Variants in SLC24A2 observed in about 807,000 individuals in gnomAD.
SLC24A2 encodes the protein sodium/potassium/calcium exchanger 2.
SLC24A2 carries 36 observed loss-of-function variants against 62.0 expected under a neutral mutation model. The ratio of observed to expected loss-of-function variants is 0.58; its 90% confidence interval spans 0.44 to 0.77. The LOEUF is 0.77. Ranked by LOEUF, SLC24A2 falls within the 30% of genes least tolerant of loss-of-function variation. SLC24A2 has a pLI of 0.00. For missense variants in SLC24A2, 846 were observed against 817.9 expected, an observed-to-expected ratio of 1.03 and a Z score of -0.42; for synonymous variants, 358 against 294.0, an observed-to-expected ratio of 1.22 and a Z score of -2.23.
the SLC24A2 span, among the ~76,000 whole-genome samples, chr9:20,132,920 A>C: frequency 1.3e-5 from 2 of 152,092 alleles, no homozygotes; most frequent in African/African-American, 2.4e-5. Flanking sequence ...TTTAAAAATT[A>C]AATTAATTAA....
chr9:19,926,411 T>A, the SLC24A2 span: 1 of 152,242 alleles, frequency 6.6e-6, no homozygotes, highest in East Asian at 1.9e-4. Flanking sequence ...TGACCCTGGC[T>A]CTCCCGCGCC....
At chr9:20,233,589 C>G in the SLC24A2 span, among the ~76,000 whole-genome samples, 6 of 152,174 alleles carry the variant, frequency 3.9e-5, no homozygotes, top group Non-Finnish European at 8.8e-5. Context: ...GTGGATCTTC[C>G]TCCATCCCTG....
chr9:20,194,092 G>C, the SLC24A2 span, among the ~76,000 whole-genome samples: 1 of 151,462 alleles, frequency 6.6e-6, no homozygotes, highest in African/African-American at 2.4e-5. Context: ...TTTTTTTTTG[G>C]GAAAACAAAA....
rs1835895554 is a variant in SLC24A2, at chr9:19,573,342, A to C, written c.1347+9T>G. On this transcript the variant is annotated intron_variant, in intron 7 of 10. Transcript: ENST00000341998. Reference sequence around the variant, plus strand: ...AACAGCCCAGAAGAGCAATGGAGAAAAGCCATACCTGGGCTTCTGCACCTT... The same window carrying C: ...AACAGCCCAGAAGAGCAATGGAGAACAGCCATACCTGGGCTTCTGCACCTT... The C allele has an allele frequency of 6.4e-7, 1 of 1,570,038 alleles. No homozygotes were observed. The highest frequency in any genetic ancestry group is 8.8e-7 in the Non-Finnish European group (1 of 1,139,982).
chr9:20,026,686 A>G, the SLC24A2 span, among the ~76,000 whole-genome samples: 1 of 152,202 alleles, frequency 6.6e-6, no homozygotes, highest in Non-Finnish European at 1.5e-5. Flanking sequence ...AAAATGAATG[A>G]AAGACTTAAA....
At chr9:19,719,241 T>A (rs1416976440) in intron 2 of SLC24A2, among the ~76,000 whole-genome samples, 2 of 152,236 alleles carry the variant, frequency 1.3e-5, no homozygotes, top group Admixed American at 6.5e-5. Context: ...GAGCATCTCA[T>A]TATTCCTCTG....
At chr9:19,824,209 A>C in the SLC24A2 span, among the ~76,000 whole-genome samples, 68 of 152,350 alleles carry the variant, frequency 4.5e-4, no homozygotes, top group African/African-American at 1.5e-3. Context: ...TGCAGAGCAA[A>C]AGAAACTATC....
At chr9:19,680,747 A>G (rs1251028372) in intron 2 of SLC24A2, among the ~76,000 whole-genome samples, 1 of 152,072 alleles carries the variant, frequency 6.6e-6, no homozygotes, top group Non-Finnish European at 1.5e-5. Context: ...TGAAAACTCA[A>G]TTTCACAATG....
intron 6 of SLC24A2, among the ~76,000 whole-genome samples, chr9:19,573,831 A>C (rs1835928465): frequency 6.6e-6 from 1 of 152,128 alleles, no homozygotes; most frequent in African/African-American, 2.4e-5. Flanking sequence ...AAATTTACCA[A>C]CTAGCTACTC....
intron 9 of SLC24A2, among the ~76,000 whole-genome samples, chr9:19,525,391 C>CTTTTTTTTTTTTTTTTTTTTTTTTTTTT (rs572919824): frequency 1.3e-5 from 1 of 76,374 alleles, no homozygotes; most frequent in Non-Finnish European, 2.3e-5. Flanking sequence ...TATTTCTTTA[C>CTTTTTTTTTTTTTTTTTTTTTTTTTTTT]TTTTTTTTTT....
intron 8 of SLC24A2, among the ~76,000 whole-genome samples, chr9:19,532,411 T>A (rs1329040694): frequency 6.6e-6 from 1 of 152,194 alleles, no homozygotes; most frequent in African/African-American, 2.4e-5. Context: ...ATACTTTAAA[T>A]CAGCTCTAAA....
At chr9:19,920,426 A>C in the SLC24A2 span, among the ~76,000 whole-genome samples, 1 of 152,182 alleles carries the variant, frequency 6.6e-6, no homozygotes, top group Non-Finnish European at 1.5e-5. Context: ...AGTCCCCCAG[A>C]TGTAGACCCT....
chr9:19,720,698 C>CA (rs887791694), intron 2 of SLC24A2, among the ~76,000 whole-genome samples: 8 of 83,906 alleles, frequency 9.5e-5, no homozygotes, highest in East Asian at 6.2e-4. Context: ...AACCCCCCCC[C>CA]CCAAAAAAAA....
intron 2 of SLC24A2, among the ~76,000 whole-genome samples, chr9:19,734,874 G>C (rs1183896684): frequency 5.3e-5 from 8 of 152,048 alleles, no homozygotes; most frequent in Non-Finnish European, 8.8e-5. Flanking sequence ...ATGGATTAAA[G>C]ACTTAAATGT....
chr9:19,622,153 C>G, intron 3 of SLC24A2, 108 bp downstream of exon 3: 1 of 880,418 alleles, frequency 1.1e-6, no homozygotes, highest in East Asian at 2.5e-5. Context: ...TTAAGTATTC[C>G]AAGGGAGAGA....
chr9:20,072,961 G>C, the SLC24A2 span, among the ~76,000 whole-genome samples: 7 of 152,094 alleles, frequency 4.6e-5, no homozygotes. Flanking sequence ...ATTTGTTATA[G>C]AGGTTACGGG....
the SLC24A2 span, among the ~76,000 whole-genome samples, chr9:19,830,379 A>G: frequency 1.3e-5 from 2 of 152,224 alleles, no homozygotes; most frequent in African/African-American, 4.8e-5. Flanking sequence ...ATGAGGCATT[A>G]TGTCAGATTT....
chr9:19,581,840 C>A (rs781598705), intron 5 of SLC24A2, among the ~76,000 whole-genome samples: 6 of 152,078 alleles, frequency 3.9e-5, no homozygotes, highest in Non-Finnish European at 7.4e-5. Flanking sequence ...TTTTTGAGTA[C>A]TTTTCAAGGT....
chr9:20,205,475 C>T, the SLC24A2 span, among the ~76,000 whole-genome samples: 3 of 151,578 alleles, frequency 2.0e-5, no homozygotes, highest in African/African-American at 4.8e-5. Context: ...AGTGAAACAC[C>T]GTCTCTACTA....
Sources: allele counts gnomAD v4.1 joint callset (sites outside exome capture counted in the v4.1 genomes callset), GRCh38; gene constraint gnomAD v4.1.1; transcripts MANE v1.5; gene names NCBI Gene and HGNC (gene_info 2026-07-23, HGNC 2026-07-21).